Variants in TBX15 observed in about 807,000 individuals in gnomAD.
TBX15 encodes the protein T-box transcription factor 15, also known as T-box transcription factor TBX15.
TBX15 carries 18 observed loss-of-function variants against 53.9 expected under a neutral mutation model. That is an observed-to-expected ratio of 0.33 (90% CI 0.23 to 0.49). The LOEUF (loss-of-function observed/expected upper bound fraction) is 0.49, where lower values mean the gene tolerates loss of function less well. Among genes scored for constraint, TBX15 ranks in the 20% least tolerant of loss-of-function variants. TBX15 has a pLI of 0.98. For missense variants in TBX15, 692 were observed against 749.5 expected, an observed-to-expected ratio of 0.92 and a Z score of 0.90; for synonymous variants, 295 against 278.0, an observed-to-expected ratio of 1.06 and a Z score of -0.61.
At chr1:118,919,965 T>C (rs1655367849) in intron 5 of TBX15, among the ~76,000 whole-genome samples, 1 of 152,206 alleles carries the variant, frequency 6.6e-6, no homozygotes, top group Non-Finnish European at 1.5e-5. Flanking sequence ...CCCATATTTC[T>C]TTATTTTTCT....
Position 118,923,519 on chromosome 1 carries a change from G to A in TBX15, c.778C>T (p.Pro260Ser), listed in dbSNP as rs374500071. Residue 260 changes from proline to serine, a missense_variant, in exon 5 of 8, where the codon CCT becomes TCT. Physicochemically the swap from Pro to Ser is moderately conservative, Grantham distance 74 (BLOSUM62 -1). Coordinates refer to ENST00000369429, the MANE Select transcript of TBX15 (RefSeq NM_001330677.2). ...TTCACCCCATCCCCAACAGGAACAG[G>A]CTTAGTGGGTGAAAGGTCACTGCTG... ...DFSSDLSPTK[P>S]VPVGDGVKTF... 3 of 1,613,898 alleles carry A rather than the reference G, an allele frequency of 1.9e-6. No individual in the cohort carries two copies. In the African/African-American group the frequency reaches 4.0e-5, roughly 22 times the overall value.
chr1:118,903,119 G>A (rs553762357), intron 6 of TBX15, among the ~76,000 whole-genome samples: 29 of 152,114 alleles, frequency 1.9e-4, no homozygotes, highest in Admixed American at 7.9e-4. Context: ...AACATAGGCC[G>A]TATCCAAACC....
intron 5 of TBX15, among the ~76,000 whole-genome samples, chr1:118,917,481 G>A (rs1241168542): frequency 6.6e-6 from 1 of 152,174 alleles, no homozygotes; most frequent in Non-Finnish European, 1.5e-5. Flanking sequence ...ATACCTAGGT[G>A]ATGGGTTGAT....
intron 1 of TBX15, among the ~76,000 whole-genome samples, chr1:118,986,755 G>A (rs534900172): frequency 1.3e-5 from 2 of 152,358 alleles, no homozygotes; most frequent in African/African-American, 4.8e-5. Flanking sequence ...CAAGTTGCGA[G>A]CGTTGTATGT....
At chr1:118,893,485 GGAAA>G (rs55891659) in intron 7 of TBX15, among the ~76,000 whole-genome samples, 4,762 of 71,942 alleles carry the variant, frequency 0.066, 162 homozygotes, top group Non-Finnish European at 0.077. Context: ...AAGGAAGGAA[GGAAA>G]GAAAGAAAGA....
chr1:118,894,355 T>G lies in TBX15; in HGVS notation c.1024+4673A>C, dbSNP rs145514081. ...ATTGTTGTTATCCCTATTTTAGAGG[T>G]GAGGCAGCAAAAGCCAGAACATGCA... On this transcript the variant is annotated intron_variant, in intron 7 of 7. Transcript: ENST00000369429. 3.0e-4 allele frequency among the ~76,000 whole-genome samples: 46 copies of G among 152,208 alleles called. No homozygotes were observed. In the East Asian group the frequency reaches 8.7e-3, roughly 29 times the overall value.
At chr1:118,890,799 C>T (rs530258998) in intron 7 of TBX15, 1 of 1,021,690 alleles carries the variant, frequency 9.8e-7, no homozygotes, top group Non-Finnish European at 1.3e-6. Flanking sequence ...CCCTCCTCCC[C>T]CAAAATTGAA....
At chr1:118,985,468 G>A (rs1657800436) in intron 1 of TBX15, among the ~76,000 whole-genome samples, 2 of 152,158 alleles carry the variant, frequency 1.3e-5, no homozygotes, top group South Asian at 2.1e-4. Flanking sequence ...GCGTCTCCAC[G>A]CCACGGCGCC....
chr1:118,985,226 A>C (rs994434355), intron 1 of TBX15, among the ~76,000 whole-genome samples: 2 of 152,262 alleles, frequency 1.3e-5, no homozygotes, highest in African/African-American at 4.8e-5. Flanking sequence ...CTAAGGACAA[A>C]AGAGTTAAAA....
rs1400598699 is a variant in TBX15, at chr1:118,885,339, G to A, written c.1202C>T (p.Pro401Leu). ...LCNLNLSDYP[P>L]CARSNMAALQ... is the part of the protein sequence containing the mutation. ...GGCAGCCATGTTGCTTCGGGCACAT[G>A]GTGGATAATCAGAGAGGTTTAGATT... The change falls in exon 8 of 8, where the codon CCA becomes CTA. Residue 401 changes from proline (P) to leucine (L), a missense_variant. By Grantham distance (98) the Pro-to-Leu change is moderately conservative. Coordinates refer to ENST00000369429, the MANE Select transcript of TBX15 (RefSeq NM_001330677.2). 6.2e-7 allele frequency: 1 copy of A among 1,613,936 alleles called. No homozygotes were observed. The highest frequency in any genetic ancestry group is 1.3e-5 in the African/African-American group (1 of 74,924).
rs869094141 is a variant in TBX15 at position 118,939,407 on chromosome 1, C to CAAAAAAAAAAAAAAAAA, written c.206-7592_206-7576dup. Among the ~76,000 whole-genome samples the CAAAAAAAAAAAAAAAAA allele has an allele frequency of 1.8e-3, 16 of 8,866 alleles. 3 individuals carry two copies. Among genetic ancestry groups the CAAAAAAAAAAAAAAAAA allele is most frequent in the East Asian group, 3.0e-3 (1 of 336 alleles). The allele number at this position is 8,866 out of a possible 152,430, so 5.8% of individuals were successfully genotyped here. A position where few individuals can be genotyped will look rare whatever the true frequency, so the allele number is the denominator to read the frequency against. On this transcript the variant is annotated intron_variant, in intron 1 of 7. Coordinates refer to ENST00000369429, the MANE Select transcript of TBX15 (RefSeq NM_001330677.2). ...AGGGCAACAGAATGAGATCTAGTCTCAAAAAAAAAAAAAAAAAAAAAAAAA... is the reference window on the plus strand; with the variant it reads ...AGGGCAACAGAATGAGATCTAGTCTCAAAAAAAAAAAAAAAAAAAAAAAAAAAAAAAAAAAAAAAAAA...
intron 1 of TBX15, among the ~76,000 whole-genome samples, chr1:118,972,030 A>G (rs147574381): frequency 6.6e-6 from 1 of 152,230 alleles, no homozygotes; most frequent in African/African-American, 2.4e-5. Flanking sequence ...CCAAAGGGGG[A>G]CCCTTGTATT....
At chr1:118,888,075 T>A (rs956209423) in intron 7 of TBX15, among the ~76,000 whole-genome samples, 1 of 152,188 alleles carries the variant, frequency 6.6e-6, no homozygotes, top group Non-Finnish European at 1.5e-5. Flanking sequence ...TAAAATCCTT[T>A]AAGAAAAGTA....
chr1:118,922,559 T>C (rs1655458219), intron 5 of TBX15, among the ~76,000 whole-genome samples: 1 of 152,178 alleles, frequency 6.6e-6, no homozygotes, highest in Non-Finnish European at 1.5e-5. Context: ...TACCACACAA[T>C]GTCAGTGAAA....
At chr1:118,987,549 C>G in intron 1 of TBX15, 42 bp downstream of exon 1, 1 of 1,528,442 alleles carries the variant, frequency 6.5e-7, no homozygotes, top group Non-Finnish European at 8.8e-7. Flanking sequence ...CTTCGGCGTC[C>G]CCTCTCCGCC....
At chr1:118,890,192 C>T (rs1378783423) in intron 7 of TBX15, among the ~76,000 whole-genome samples, 2 of 152,160 alleles carry the variant, frequency 1.3e-5, no homozygotes, top group African/African-American at 2.4e-5. Context: ...GCCATATTCC[C>T]AAAGGCTAAC....
intron 1 of TBX15, among the ~76,000 whole-genome samples, chr1:118,959,766 A>G (rs1450142323): frequency 6.6e-6 from 1 of 152,200 alleles, no homozygotes. Context: ...CTGACTTCGA[A>G]ATCAGAATAG....
intron 7 of TBX15, among the ~76,000 whole-genome samples, chr1:118,892,039 G>C (rs1224538061): frequency 1.3e-5 from 2 of 152,162 alleles, no homozygotes; most frequent in Non-Finnish European, 2.9e-5. Flanking sequence ...GGTAGGACTA[G>C]ACTATGAACC....
intron 6 of TBX15, among the ~76,000 whole-genome samples, chr1:118,903,896 G>A (rs1025213525): frequency 4.6e-5 from 7 of 152,254 alleles, no homozygotes; most frequent in Middle Eastern, 6.8e-3. Context: ...GGAATATTGG[G>A]CAAGAATCAC....
Sources: gnomAD v4.1 joint callset for allele counts (sites outside exome capture counted in the v4.1 genomes callset) on GRCh38, gnomAD v4.1.1 for gene constraint, MANE v1.5 for transcripts, NCBI Gene and HGNC (gene_info 2026-07-23, HGNC 2026-07-21) for gene names.